Variants in SLC19A3 observed in about 807,000 individuals in gnomAD.
SLC19A3 encodes solute carrier family 19 member 3.
Under a neutral mutation model 40.2 loss-of-function variants are expected in SLC19A3, and 31 were observed. The ratio of observed to expected loss-of-function variants is 0.77; its 90% CI spans 0.58 to 1.04. The LOEUF is 1.04. SLC19A3 is among the 50% of genes least tolerant of loss of function. The pLI is 0.00. For synonymous variants in SLC19A3, 212 were observed against 227.5 expected, an observed-to-expected ratio of 0.93 and a Z score of 0.61; for missense variants, 592 against 596.7, an observed-to-expected ratio of 0.99 and a Z score of 0.08.
At chr2:227,691,549 C>T (rs111572681) in intron 4 of SLC19A3, among the ~76,000 whole-genome samples, 10,643 of 151,962 alleles carry the variant, frequency 0.07, 1,018 homozygotes, top group African/African-American at 0.22. Context: ...GCAGAAGTTG[C>T]AGTGAGTAGA....
At chr2:227,713,829 C>T (rs922407443) in intron 1 of SLC19A3, among the ~76,000 whole-genome samples, 3 of 151,384 alleles carry the variant, frequency 2.0e-5, no homozygotes, top group African/African-American at 7.3e-5. Context: ...CACTGATACA[C>T]GGAAGAAAAT....
At chr2:227,688,707 C>T (rs1176690226) in intron 4 of SLC19A3, among the ~76,000 whole-genome samples, 32 of 152,154 alleles carry the variant, frequency 2.1e-4, no homozygotes, top group Non-Finnish European at 1.5e-5. Flanking sequence ...TACAACTCTT[C>T]AATACCCTGA....
Position 227,699,509 on chromosome 2 carries a change from G to A in SLC19A3, c.206C>T (p.Pro69Leu), listed in dbSNP as rs774152328. The A allele has an allele frequency of 1.2e-6, 2 of 1,614,140 alleles. No homozygotes were observed. Among genetic ancestry groups the A allele is most frequent in the South Asian group, 1.1e-5 (1 of 91,078 alleles). ...WTYSYLVLLL[P>L]VFVLTDYVRY... is the part of the protein sequence containing the mutation. ...GACATAATCGGTGAGGACAAACACA[G>A]GCAGCAGCAGCACCAGGTAGGAGTA... The change falls in exon 3 of 6, where the codon CCT becomes CTT. Residue 69 changes from proline (P) to leucine (L), a missense_variant. Coordinates refer to ENST00000644224, the MANE Select transcript of SLC19A3 (RefSeq NM_025243.4).
chr2:227,710,824 C>T (rs1048920307), intron 1 of SLC19A3, among the ~76,000 whole-genome samples: 5 of 152,138 alleles, frequency 3.3e-5, no homozygotes, highest in African/African-American at 9.7e-5. Flanking sequence ...TTCCAAAAAG[C>T]CCACCTCCCA....
At chr2:227,696,126 G>T in intron 3 of SLC19A3, 45 bp from the exon 4 acceptor site, 1 of 1,585,032 alleles carries the variant, frequency 6.3e-7, no homozygotes, top group Non-Finnish European at 8.7e-7. Flanking sequence ...GACTTTGCAT[G>T]CAGGAAAATA....
chr2:227,701,217 G>T, intron 2 of SLC19A3: 1 of 623,304 alleles, frequency 1.6e-6, no homozygotes. Context: ...AGCCTTGCAG[G>T]CGAAGCCACA....
intron 1 of SLC19A3, among the ~76,000 whole-genome samples, chr2:227,710,565 G>A (rs1020323540): frequency 4.6e-5 from 7 of 151,908 alleles, no homozygotes; most frequent in Non-Finnish European, 7.4e-5. Context: ...TTCAAGACCC[G>A]CCTGGGCAAC....
intron 1 of SLC19A3, among the ~76,000 whole-genome samples, chr2:227,717,429 T>C (rs1385241938): frequency 1.3e-5 from 2 of 152,352 alleles, no homozygotes; most frequent in East Asian, 3.9e-4. Context: ...CTATTTATTA[T>C]TTGATGACTT....
intron 1 of SLC19A3, among the ~76,000 whole-genome samples, chr2:227,706,948 C>T (rs1334386291): frequency 3.9e-5 from 6 of 152,172 alleles, no homozygotes; most frequent in Non-Finnish European, 5.9e-5. Flanking sequence ...TGGACTTGGA[C>T]GCACAGGAGA....
intron 1 of SLC19A3, among the ~76,000 whole-genome samples, chr2:227,713,405 A>G (rs1306817660): frequency 6.9e-6 from 1 of 144,524 alleles, no homozygotes; most frequent in African/African-American, 2.5e-5. Context: ...CTGTTGTAAA[A>G]AAAAAAAAAA....
In SLC19A3 at chr2:227,684,384, C is replaced by G. The variant is rs1197580702; in HGVS notation, c.*3013G>C. On this transcript the variant is annotated 3_prime_UTR_variant, in exon 6 of 6. Transcript: ENST00000644224. ...GGAGTGCAGTGGCACAATCTCAACT[C>G]ACTGCAACCTCTGCCTCCTGGGTTT... The G allele has an allele frequency of 6.6e-6, 1 of 152,242 alleles. No homozygotes were observed. Among genetic ancestry groups the G allele is most frequent in the African/African-American group, 2.4e-5 (1 of 41,458 alleles). 9.4% of individuals were successfully genotyped at this position (152,242 alleles called of 1,614,324 possible). A position where few individuals can be genotyped will look rare whatever the true frequency, so the allele number is the denominator to read the frequency against.
chr2:227,699,400 G>C lies in SLC19A3; in HGVS notation c.315C>G (p.Thr105=), dbSNP rs1449699566. ...LLLLFGQGVK[T]MQVVEFFYGM... ...CATAGAAGAACTCTACAACCTGCAT[G>C]GTCTTCACTCCTTGGCCAAACAACA... The change falls in exon 3 of 6, where the codon ACC becomes ACG. Residue 105 remains threonine (T), a synonymous_variant. Transcript: ENST00000644224. The C allele has an allele frequency of 6.2e-7, 1 of 1,614,020 alleles. No homozygotes were observed. The highest frequency in any genetic ancestry group is 8.5e-7 in the Non-Finnish European group (1 of 1,180,040).
Position 227,699,129 on chromosome 2 carries a change from T to C in SLC19A3, c.586A>G (p.Ser196Gly), listed in dbSNP as rs1457858397. ...CTGGGTTTTGCATGAAAAAACATGCTTTTCTTGGGCATTGGTAGGAAAAGT... is the reference window on the plus strand; with the variant it reads ...CTGGGTTTTGCATGAAAAAACATGCCTTTCTTGGGCATTGGTAGGAAAAGT... ...FSLFLPMPKKSMFFHAKPSRE... is the reference protein window; with the variant it reads ...FSLFLPMPKKGMFFHAKPSRE... Residue 196 changes from serine to glycine, a missense_variant, in exon 3 of 6, where the codon AGC (serine) becomes GGC (glycine). By Grantham distance (56) the Ser-to-Gly change is moderately conservative. Coordinates refer to ENST00000644224, the MANE Select transcript of SLC19A3 (RefSeq NM_025243.4). 2.5e-6 allele frequency: 4 copies of C among 1,614,174 alleles called. No homozygotes were observed. Among genetic ancestry groups the C allele is most frequent in the Non-Finnish European group, 3.4e-6 (4 of 1,180,044 alleles).
In SLC19A3 at chr2:227,703,351, G is replaced by A. The variant is rs1319390603; in HGVS notation, c.-2-1031C>T. On this transcript the variant is annotated intron_variant, in intron 1 of 5. Coordinates refer to ENST00000644224, the MANE Select transcript of SLC19A3 (RefSeq NM_025243.4). The surrounding 1 kb of genome is among the most constrained non-coding windows in gnomAD (Gnocchi z 4.7). The stretch of plus-strand genomic sequence containing the variant: ...GGGGAGCTTTACTAGGGGTTGGGGA[G>A]GTAGGAAGGACCTACTAGGTCACAT... Among the ~76,000 whole-genome samples the A allele has an allele frequency of 1.3e-5, 2 of 152,074 alleles. No homozygotes were observed. Among genetic ancestry groups the A allele is most frequent in the African/African-American group, 2.4e-5 (1 of 41,402 alleles).
rs865842645 is a variant in SLC19A3, at chr2:227,686,358, G to A, written c.*1039C>T. On this transcript the variant is annotated 3_prime_UTR_variant, in exon 6 of 6. Coordinates refer to ENST00000644224, the MANE Select transcript of SLC19A3 (RefSeq NM_025243.4). ...AGGGGGATGAGAGTCTTACTCTGTT[G>A]CCCAGGCTGGAGTGCAATGGTGCAA... is the stretch of plus-strand genomic sequence containing the variant. 2 of 246,702 alleles carry A rather than the reference G, an allele frequency of 8.1e-6. No individual in the cohort carries two copies. Among genetic ancestry groups the A allele is most frequent in the Middle Eastern group, 8.9e-4 (2 of 2,258 alleles). The allele number at this position is 246,702 out of a possible 1,614,324, so 15.3% of individuals were successfully genotyped here.
At chr2:227,694,414 A>G (rs1027856856) in intron 4 of SLC19A3, among the ~76,000 whole-genome samples, 11 of 152,178 alleles carry the variant, frequency 7.2e-5, no homozygotes, top group African/African-American at 2.7e-4. Flanking sequence ...AAATTAAGAC[A>G]TTTCCATGAA....
chr2:227,708,872 C>T (rs1001857684), intron 1 of SLC19A3, among the ~76,000 whole-genome samples: 1 of 152,144 alleles, frequency 6.6e-6, no homozygotes, highest in African/African-American at 2.4e-5. Context: ...AAGATTGGAA[C>T]TCACATCTCC....
intron 1 of SLC19A3, 129 bp downstream of exon 1, chr2:227,717,814 T>C (rs1179369246): frequency 9.9e-6 from 7 of 703,990 alleles, no homozygotes; most frequent in Non-Finnish European, 1.2e-5. Context: ...CGGCTCAGAG[T>C]GTAGCCCAGG....
chr2:227,698,832 C>G lies in SLC19A3; in HGVS notation c.883G>C (p.Val295Leu). 6.2e-7 allele frequency: 1 copy of G among 1,614,212 alleles called. No individual in the cohort carries two copies. Among genetic ancestry groups the G allele is most frequent in the Non-Finnish European group, 8.5e-7 (1 of 1,180,044 alleles). Reference sequence around the variant, plus strand: ...CACAGGATTTGAACATAGTTCAAAACCTGGTTAAAACCTGCTGTGGCGAAA... The same window carrying G: ...CACAGGATTTGAACATAGTTCAAAAGCTGGTTAAAACCTGCTGTGGCGAAA... ...WAFATAGFNQ[V>L]LNYVQILWDY... The change falls in exon 3 of 6, where the codon GTT (valine) becomes CTT (leucine). Residue 295 changes from valine (V) to leucine (L), a missense_variant. Coordinates refer to ENST00000644224, the MANE Select transcript of SLC19A3 (RefSeq NM_025243.4).
Sources: gnomAD v4.1 joint callset for allele counts (sites outside exome capture counted in the v4.1 genomes callset) on GRCh38, gnomAD v4.1.1 for gene constraint, Gnocchi (gnomAD v3.1) non-coding constraint, MANE v1.5 for transcripts, NCBI Gene and HGNC (gene_info 2026-07-23, HGNC 2026-07-21) for gene names.